The following NRG3 variants were observed in gnomAD, a reference collection of about 807,000 sequenced individuals.
NRG3 encodes the protein pro-neuregulin-3, membrane-bound isoform.
Under a neutral mutation model 66.9 loss-of-function variants are expected in NRG3, and 31 were observed. The observed-to-expected ratio is 0.46, with a 90% CI of 0.35 to 0.63. The LOEUF (loss-of-function observed/expected upper bound fraction) is 0.63. Ranked by LOEUF, NRG3 falls within the 20% of genes least tolerant of loss-of-function variation. The probability of loss-of-function intolerance (pLI) is 0.00; values close to 1 mark genes in which losing one functional copy is unlikely to be tolerated. For missense variants in NRG3, 910 were observed against 878.9 expected (o/e 1.04, Z -0.45); for synonymous variants, 393 against 359.4 (o/e 1.09, Z -1.06).
chr10:82,734,108 T>C (rs1447734219), intron 2 of NRG3, among the ~76,000 whole-genome samples: 1 of 152,232 alleles, frequency 6.6e-6, no homozygotes, highest in Non-Finnish European at 1.5e-5. Flanking sequence ...GTATTGAATT[T>C]CAACCAATGA....
At chr10:82,527,191 A>T (rs1026700723) in intron 2 of NRG3, among the ~76,000 whole-genome samples, 2 of 152,156 alleles carry the variant, frequency 1.3e-5, no homozygotes, top group African/African-American at 4.8e-5. Flanking sequence ...AATTCTATAC[A>T]ACAAATGGAG....
At chr10:82,444,222 C>T (rs2090596008) in intron 2 of NRG3, among the ~76,000 whole-genome samples, 1 of 152,156 alleles carries the variant, frequency 6.6e-6, no homozygotes, top group Non-Finnish European at 1.5e-5. Context: ...CCTTTCTCAG[C>T]CTCCTGAGTA....
At position 82,309,256 on chromosome 10, in the gene NRG3, A is replaced by G. The variant is rs572089191; in HGVS notation, c.824-49483A>G. 4.9e-4 allele frequency among the ~76,000 whole-genome samples: 75 copies of G among 152,280 alleles called. 1 individual carries two copies. In the South Asian group the frequency reaches 0.015, roughly 29 times the overall value. Reference sequence around the variant, plus strand: ...AATTTTGCCTATGAATGGGTTTTATACAAATTGTTATGAGATTGAAGAACT... The same window carrying G: ...AATTTTGCCTATGAATGGGTTTTATGCAAATTGTTATGAGATTGAAGAACT... On this transcript the variant is annotated intron_variant, in intron 1 of 8. Transcript: ENST00000372141.
chr10:82,146,861 G>A (rs1418471400), intron 1 of NRG3, among the ~76,000 whole-genome samples: 1 of 152,124 alleles, frequency 6.6e-6, no homozygotes, highest in Non-Finnish European at 1.5e-5. Context: ...CCAAGAGAGG[G>A]GAGGCTTCCC....
At chr10:81,878,480 AT>A (rs1226114317) in intron 1 of NRG3, among the ~76,000 whole-genome samples, 1 of 152,136 alleles carries the variant, frequency 6.6e-6, no homozygotes, top group African/African-American at 2.4e-5. Flanking sequence ...TAGTTTAGTT[AT>A]TTTTTTCATC....
At chr10:82,562,025 G>A (rs1220047712) in intron 2 of NRG3, among the ~76,000 whole-genome samples, 1 of 152,084 alleles carries the variant, frequency 6.6e-6, no homozygotes, top group Non-Finnish European at 1.5e-5. Flanking sequence ...CATGCATCTT[G>A]GAATTAGACA....
At chr10:82,609,589 C>CA (rs907457000) in intron 2 of NRG3, among the ~76,000 whole-genome samples, 2,608 of 114,202 alleles carry the variant, frequency 0.023, 47 homozygotes, top group African/African-American at 0.064. Context: ...TTATATTTTC[C>CA]AAAAAAAAAA....
intron 1 of NRG3, among the ~76,000 whole-genome samples, chr10:81,881,290 G>C (rs547615057): frequency 6.6e-6 from 1 of 151,350 alleles, no homozygotes; most frequent in Admixed American, 6.6e-5. Context: ...CTTGCTTCAA[G>C]TTGTTTTATA....
At chr10:82,338,574 CT>C (rs1165544925) in intron 1 of NRG3, among the ~76,000 whole-genome samples, 2 of 152,158 alleles carry the variant, frequency 1.3e-5, no homozygotes, top group African/African-American at 4.8e-5. Flanking sequence ...ATATTAGATG[CT>C]CCATGATAGA....
At chr10:81,926,549 G>A (rs192822629) in intron 1 of NRG3, among the ~76,000 whole-genome samples, 1 of 152,184 alleles carries the variant, frequency 6.6e-6, no homozygotes, top group East Asian at 1.9e-4. Flanking sequence ...TAAGGATCCT[G>A]CTAATTTTAG....
intron 3 of NRG3, among the ~76,000 whole-genome samples, chr10:82,769,626 G>A (rs560705338): frequency 6.6e-6 from 1 of 152,228 alleles, no homozygotes; most frequent in South Asian, 2.1e-4. Context: ...GCACAGTGAA[G>A]TAGAAAGCAA....
chr10:82,256,154 C>T (rs1374595316), intron 1 of NRG3, among the ~76,000 whole-genome samples: 1 of 151,836 alleles, frequency 6.6e-6, no homozygotes, highest in Non-Finnish European at 1.5e-5. Flanking sequence ...GAACTCCTGA[C>T]CTCGTGATCC....
At chr10:82,369,674 G>A (rs2084761465) in intron 2 of NRG3, among the ~76,000 whole-genome samples, 2 of 138,872 alleles carry the variant, frequency 1.4e-5, no homozygotes, top group Admixed American at 1.4e-4. Flanking sequence ...ATCCAAGGAT[G>A]TTCCATGATG....
chr10:82,347,168 A>G (rs1265201815), intron 1 of NRG3, among the ~76,000 whole-genome samples: 342 of 146,990 alleles, frequency 2.3e-3, no homozygotes, highest in African/African-American at 8.3e-3. Context: ...TAGGGTGTCA[A>G]TTTTGGATCT....
rs192998115 is a variant in NRG3 at position 82,474,202 on chromosome 10, A to G, written c.953+115334A>G. Reference sequence around the variant, plus strand: ...CTATTTTCTATGAGAGATCAGAGATATACAAAGAAATATGAATGCATGGTC... The same window carrying G: ...CTATTTTCTATGAGAGATCAGAGATGTACAAAGAAATATGAATGCATGGTC... On this transcript the variant is annotated intron_variant, in intron 2 of 8. Coordinates refer to ENST00000372141, the MANE Select transcript of NRG3 (RefSeq NM_001010848.4). Among the ~76,000 whole-genome samples, 7 of 152,112 alleles carry G rather than the reference A, an allele frequency of 4.6e-5. No homozygotes were observed. In the East Asian group the frequency reaches 1.4e-3, roughly 30 times the overall value.
At chr10:82,846,543 T>C (rs912598271) in intron 3 of NRG3, among the ~76,000 whole-genome samples, 1 of 152,224 alleles carries the variant, frequency 6.6e-6, no homozygotes, top group African/African-American at 2.4e-5. Context: ...CTGTTTAATG[T>C]TCATTTATGA....
intron 2 of NRG3, among the ~76,000 whole-genome samples, chr10:82,701,325 C>T (rs1178485056): frequency 6.6e-6 from 1 of 152,022 alleles, no homozygotes; most frequent in Non-Finnish European, 1.5e-5. Context: ...TATAAAATAA[C>T]ATTTTATTTT....
chr10:82,665,386 T>C (rs944901353), intron 2 of NRG3, among the ~76,000 whole-genome samples: 1 of 152,208 alleles, frequency 6.6e-6, no homozygotes, highest in Non-Finnish European at 1.5e-5. Flanking sequence ...AAAATGTTGG[T>C]ATTATCCCAG....
intron 2 of NRG3, among the ~76,000 whole-genome samples, chr10:82,690,855 GT>G (rs1335061715): frequency 6.6e-6 from 1 of 152,008 alleles, no homozygotes; most frequent in East Asian, 1.9e-4. Context: ...TTTAAATGAT[GT>G]AAAAATAAAG....
Sources: allele counts gnomAD v4.1 joint callset (sites outside exome capture counted in the v4.1 genomes callset), GRCh38; gene constraint gnomAD v4.1.1; transcripts MANE v1.5; gene names NCBI Gene and HGNC (gene_info 2026-07-23, HGNC 2026-07-21).